The following GABPB1 variants were observed in gnomAD, a reference collection of about 807,000 sequenced individuals.
The protein encoded by GABPB1 is GA binding protein transcription factor subunit beta 1.
Under a neutral mutation model 45.9 loss-of-function variants are expected in GABPB1, and 15 were observed. The observed-to-expected ratio is 0.33, with a 90% CI of 0.22 to 0.50. GABPB1 has a LOEUF of 0.50. Ranked by LOEUF, GABPB1 falls within the 20% of genes least tolerant of loss-of-function variation. The pLI is 0.98. For synonymous variants in GABPB1, 143 were observed against 154.4 expected, an observed-to-expected ratio of 0.93 and a Z score of 0.55; for missense variants, 252 against 457.5, an observed-to-expected ratio of 0.55 and a Z score of 4.10.
chr15:50,303,185 T>A, intron 3 of GABPB1, 62 bp from the exon 4 acceptor site: 1 of 1,282,100 alleles, frequency 7.8e-7, no homozygotes, highest in African/African-American at 1.5e-5. Context: ...ATTCCTGATA[T>A]GAAATTATTA....
intron 1 of GABPB1, among the ~76,000 whole-genome samples, chr15:50,325,946 C>T (rs1451380550): frequency 6.6e-6 from 1 of 150,560 alleles, no homozygotes; most frequent in Non-Finnish European, 1.5e-5. Flanking sequence ...CTGGCTCTGT[C>T]GCCCAGGCTG....
At chr15:50,326,156 C>T (rs1187922893) in intron 1 of GABPB1, among the ~76,000 whole-genome samples, 1 of 151,990 alleles carries the variant, frequency 6.6e-6, no homozygotes, top group African/African-American at 2.4e-5. Flanking sequence ...ATCCACCCAC[C>T]TCGGCCTCCC....
chr15:50,320,101 A>T (rs1384330866), intron 1 of GABPB1, among the ~76,000 whole-genome samples: 1 of 152,218 alleles, frequency 6.6e-6, no homozygotes, highest in Admixed American at 6.5e-5. Flanking sequence ...AAAAACACAC[A>T]AAAAGGGGAT....
chr15:50,337,046 A>C (rs1384089577), intron 1 of GABPB1, among the ~76,000 whole-genome samples: 2 of 124,644 alleles, frequency 1.6e-5, no homozygotes, highest in Non-Finnish European at 3.4e-5. Context: ...CCTTGCCTCA[A>C]AAAGAAAAAA....
intron 6 of GABPB1, among the ~76,000 whole-genome samples, chr15:50,291,248 A>G (rs1160359929): frequency 1.3e-5 from 2 of 152,252 alleles, no homozygotes; most frequent in East Asian, 3.9e-4. Flanking sequence ...ATCTATAAAC[A>G]TTTCTGTACA....
At chr15:50,344,578 C>T (rs191743525) in intron 1 of GABPB1, among the ~76,000 whole-genome samples, 263 of 152,258 alleles carry the variant, frequency 1.7e-3, no homozygotes, top group South Asian at 3.5e-3. Flanking sequence ...ACTGTGCTCA[C>T]GCCTGTAACG....
chr15:50,324,049 T>C (rs1455887613), intron 1 of GABPB1, among the ~76,000 whole-genome samples: 2 of 151,664 alleles, frequency 1.3e-5, no homozygotes, highest in African/African-American at 4.8e-5. Flanking sequence ...AAAAAATACA[T>C]AAAAATTAGC....
In GABPB1 at chr15:50,297,223, T is replaced by A. The variant is rs1457568382; in HGVS notation, c.697+3566A>T. Among the ~76,000 whole-genome samples the A allele has an allele frequency of 2.0e-5, 3 of 151,066 alleles. No individual in the cohort carries two copies. The South Asian group carries it at 6.3e-4, about 32-fold the overall frequency. ...ACTGAGCCCACCCATTACTTCTTTT[T>A]TTTTTTTGAGATGGAGTCTTGCTCT... On this transcript the variant is annotated intron_variant, in intron 6 of 8. Coordinates refer to ENST00000380877, the MANE Select transcript of GABPB1 (RefSeq NM_016654.5).
chr15:50,282,330 G>C, intron 8 of GABPB1: 2 of 453,938 alleles, frequency 4.4e-6, no homozygotes, highest in Non-Finnish European at 8.9e-6. Context: ...AGGCTGAGGT[G>C]GGAGGATCAC....
At chr15:50,300,937 A>T in intron 5 of GABPB1, 35 bp from the exon 6 acceptor site, 1 of 1,280,164 alleles carries the variant, frequency 7.8e-7, no homozygotes, top group Non-Finnish European at 1.1e-6. Context: ...TGAATTTCTA[A>T]GGAGCTTAAT....
At chr15:50,338,648 A>AT (rs1319044893) in intron 1 of GABPB1, among the ~76,000 whole-genome samples, 1 of 151,588 alleles carries the variant, frequency 6.6e-6, no homozygotes, top group African/African-American at 2.4e-5. Context: ...TAATTTTTCT[A>AT]TTTTTTGTAG....
intron 1 of GABPB1, among the ~76,000 whole-genome samples, chr15:50,344,663 A>C (rs772669040): frequency 3.9e-5 from 6 of 152,072 alleles, no homozygotes; most frequent in Non-Finnish European, 7.4e-5. Context: ...ACATGGAGAA[A>C]TCCCATCTCT....
At chr15:50,301,524 G>T (rs1363580425) in intron 4 of GABPB1, among the ~76,000 whole-genome samples, 156 bp from the exon 5 acceptor site, 4 of 152,140 alleles carry the variant, frequency 2.6e-5, no homozygotes, top group African/African-American at 9.7e-5. Context: ...ACAGTGTAGG[G>T]GCACATCATG....
chr15:50,299,416 T>A (rs2141015786), intron 6 of GABPB1, among the ~76,000 whole-genome samples: 1 of 152,356 alleles, frequency 6.6e-6, no homozygotes, highest in African/African-American at 2.4e-5. Flanking sequence ...CATTTCTTTT[T>A]GAGACAGAGT....
chr15:50,309,938 C>T lies in GABPB1; in HGVS notation c.1-140G>A. 3 of 514,342 alleles carry T rather than the reference C, an allele frequency of 5.8e-6. No homozygotes were observed. The East Asian group carries it at 9.2e-5, about 16-fold the overall frequency. 31.9% of individuals were successfully genotyped at this position (514,342 alleles called of 1,614,324 possible). A position where few individuals can be genotyped will look rare whatever the true frequency, so the allele number is the denominator to read the frequency against. On this transcript the variant is annotated intron_variant, in intron 1 of 8. Transcript: ENST00000380877. Reference sequence around the variant, plus strand: ...GTGTGCTATGGTTAATTTAAAATTACAGATCATACAAAAGCAATTTATATT... The same window carrying T: ...GTGTGCTATGGTTAATTTAAAATTATAGATCATACAAAAGCAATTTATATT...
Position 50,289,651 on chromosome 15 carries a change from C to T in GABPB1, c.715G>A (p.Val239Ile), listed in dbSNP as rs750935358. 9.9e-6 allele frequency: 16 copies of T among 1,609,330 alleles called. No individual in the cohort carries two copies. In the South Asian group the frequency reaches 1.8e-4, roughly 18 times the overall value. Residue 239 changes from valine to isoleucine, a missense_variant, in exon 7 of 9, where the codon GTA (valine) becomes ATA (isoleucine). Around this residue, in one of 4 missense-constraint regions of GABPB1, gnomAD observed 193 missense variants for 259.9 expected, o/e 0.74. Coordinates refer to ENST00000380877, the MANE Select transcript of GABPB1 (RefSeq NM_016654.5). ...SETPVVATEE[V>I]VTAESVDGAI... The stretch of plus-strand genomic sequence containing the variant: ...CCATCCACAGATTCTGCAGTAACTA[C>T]TTCTTCTGTGGCCACTACTGGAAAA...
intron 8 of GABPB1, among the ~76,000 whole-genome samples, chr15:50,280,834 G>A (rs1424968502): frequency 6.6e-6 from 1 of 152,088 alleles, no homozygotes; most frequent in African/African-American, 2.4e-5. Context: ...TTTGAATATG[G>A]GTATAAATTT....
At chr15:50,304,555 A>G (rs1401645103) in intron 2 of GABPB1, among the ~76,000 whole-genome samples, 1 of 152,122 alleles carries the variant, frequency 6.6e-6, no homozygotes, top group Non-Finnish European at 1.5e-5. Flanking sequence ...TACTAAAAAT[A>G]CAGAAATTAG....
intron 1 of GABPB1, among the ~76,000 whole-genome samples, chr15:50,310,810 T>G (rs2047105941): frequency 6.6e-6 from 1 of 151,856 alleles, no homozygotes; most frequent in Non-Finnish European, 1.5e-5. Flanking sequence ...AAACCCTATC[T>G]CTACTAAAAA....
Sources: allele counts gnomAD v4.1 joint callset (sites outside exome capture counted in the v4.1 genomes callset), GRCh38; gene constraint gnomAD v4.1.1; regional missense constraint gnomAD v4.1.1; transcripts MANE v1.5; gene names NCBI Gene and HGNC (gene_info 2026-07-23, HGNC 2026-07-21).